YRDC: variants seen among roughly 807,000 people sequenced by gnomAD.
The protein encoded by YRDC is yrdC N6-threonylcarbamoyltransferase domain containing, also known as threonylcarbamoyl-AMP synthase.
In YRDC, 17 loss-of-function variants were observed where a neutral mutation model predicts 21.5. The observed-to-expected ratio is 0.79, with a 90% CI of 0.54 to 1.19. The LOEUF is 1.19. Ranked by LOEUF, YRDC falls within the 50% of genes most tolerant of loss-of-function variation. YRDC has a pLI of 0.00. For missense variants in YRDC, 380 were observed against 397.1 expected (o/e 0.96, Z 0.37); for synonymous variants, 193 against 176.7 (o/e 1.09, Z -0.73).
Position 37,803,662 on chromosome 1 carries a change from G to T in YRDC, c.*263C>A, listed in dbSNP as rs1646716383. 2.3e-6 allele frequency: 1 copy of T among 426,476 alleles called. No individual in the cohort carries two copies. Among genetic ancestry groups the T allele is most frequent in the Non-Finnish European group, 4.2e-6 (1 of 240,794 alleles). 26.4% of individuals were successfully genotyped at this position (426,476 alleles called of 1,614,324 possible). On this transcript the variant is annotated 3_prime_UTR_variant, in exon 5 of 5. Transcript: ENST00000373044. ...GACAGAAGAAACTTATTAGAATAAG[G>T]CCACCTAGGAATGTTCTTAACTTTT...
At chr1:37,804,950 G>C (rs1646725383) in intron 3 of YRDC, among the ~76,000 whole-genome samples, 1 of 152,204 alleles carries the variant, frequency 6.6e-6, no homozygotes, top group Non-Finnish European at 1.5e-5. Context: ...AAAGATAAGA[G>C]AACAGGGTCA....
intron 3 of YRDC, 43 bp from the exon 4 acceptor site, chr1:37,804,487 G>A (rs1646722349): frequency 6.3e-7 from 1 of 1,582,734 alleles, no homozygotes; most frequent in Non-Finnish European, 8.6e-7. Context: ...TATCCCTGGT[G>A]TATCCAATAA....
rs1466278278 is a variant in YRDC at position 37,803,948 on chromosome 1, G to A, written c.817C>T (p.Pro273Ser). ...AILQQKYGLL[P>S]SHASYL ...TTTCACAGGTAGGACGCATGTGAGGGGAGCAGTCCGTACTTCTGTTGGAGG... is the reference window on the plus strand; with the variant it reads ...TTTCACAGGTAGGACGCATGTGAGGAGAGCAGTCCGTACTTCTGTTGGAGG... The change falls in exon 5 of 5, where the codon CCC becomes TCC. Residue 273 changes from proline (P) to serine (S), a missense_variant. Physicochemically the swap from Pro to Ser is moderately conservative, Grantham distance 74 (BLOSUM62 -1). This residue lies in a region of YRDC where 238 missense variants were observed against 236.5 expected (regional missense o/e 1.01). Transcript: ENST00000373044. 6.2e-7 allele frequency: 1 copy of A among 1,614,148 alleles called. No homozygotes were observed. The highest frequency in any genetic ancestry group is 8.5e-7 in the Non-Finnish European group (1 of 1,180,020).
At position 37,807,930 on chromosome 1, in the gene YRDC, G is replaced by GC; in HGVS notation, c.250dup (p.Ala84GlyfsTer55). 1 of 1,254,638 alleles carries GC rather than the reference G, an allele frequency of 8.0e-7. No homozygotes were observed. Among genetic ancestry groups the GC allele is most frequent in the Non-Finnish European group, 1.0e-6 (1 of 998,680 alleles). 77.7% of individuals were successfully genotyped at this position (1,254,638 alleles called of 1,614,324 possible). On this transcript the variant is annotated frameshift_variant, in exon 1 of 5. Transcript: ENST00000373044. LOFTEE classifies it high-confidence loss of function. Reference sequence around the variant, plus strand: ...GCCGTACAGCGTATCGGTGGGGACGGCCACCACGGCGCCGGCGCGCAGCTC... The same window carrying GC: ...GCCGTACAGCGTATCGGTGGGGACGGCCCACCACGGCGCCGGCGCGCAGCTC...
intron 1 of YRDC, chr1:37,807,585 T>C: frequency 9.8e-7 from 1 of 1,021,132 alleles, no homozygotes; most frequent in Non-Finnish European, 1.3e-6. Context: ...ACAGGGTCCC[T>C]GCCTTTCTCG....
In YRDC at chr1:37,807,791, C is replaced by T; in HGVS notation, c.389+1G>A. On this transcript the variant is annotated splice_donor_variant, in intron 1 of 4. Coordinates refer to ENST00000373044, the MANE Select transcript of YRDC (RefSeq NM_024640.4). LOFTEE classifies it high-confidence loss of function. ...GCGGGGCCGGGTCGGGGCGGCCTTA[C>T]CTGTAGACGTCGGCCACGCGGCCGA... 6.6e-7 allele frequency: 1 copy of T among 1,509,446 alleles called. No individual in the cohort carries two copies. Among genetic ancestry groups the T allele is most frequent in the Non-Finnish European group, 8.8e-7 (1 of 1,133,384 alleles). The allele number at this position is 1,509,446 out of a possible 1,614,324, so 93.5% of individuals were successfully genotyped here. A position where few individuals can be genotyped will look rare whatever the true frequency, so the allele number is the denominator to read the frequency against.
chr1:37,807,025 A>G (rs773590410), intron 2 of YRDC, 49 bp from the exon 3 acceptor site: 86 of 1,613,998 alleles, frequency 5.3e-5, no homozygotes, highest in Admixed American at 2.3e-4. Context: ...AAGGGATAAG[A>G]GGGTAAGTCT....
At position 37,807,890 on chromosome 1, in the gene YRDC, C is replaced by T; in HGVS notation, c.291G>A (p.Ala97=). 1.4e-6 allele frequency: 2 copies of T among 1,451,540 alleles called. No individual in the cohort carries two copies. The highest frequency in any genetic ancestry group is 1.8e-6 in the Non-Finnish European group (2 of 1,099,404). 89.9% of individuals were successfully genotyped at this position (1,451,540 alleles called of 1,614,324 possible). A position where few individuals can be genotyped will look rare whatever the true frequency, so the allele number is the denominator to read the frequency against. The change falls in exon 1 of 5, where the codon GCG becomes GCA. Residue 97 remains alanine (A), a synonymous_variant. Coordinates refer to ENST00000373044, the MANE Select transcript of YRDC (RefSeq NM_024640.4). ...TDTLYGLACA[A]SCSAALRAVY... ...CAGCGCGCAGAGCCGCCGAGCAGCT[C>T]GCCGCGCAGGCCAGGCCGTACAGCG...
intron 1 of YRDC, chr1:37,807,427 T>C: frequency 1.6e-6 from 1 of 611,866 alleles, no homozygotes; most frequent in Non-Finnish European, 2.8e-6. Context: ...TCTCAGGGAC[T>C]ACAACAGCTG....
In YRDC at chr1:37,803,931, G is replaced by A. The variant is rs1302051156; in HGVS notation, c.834C>T (p.Tyr278=). The change falls in exon 5 of 5, where the codon TAC becomes TAT. Residue 278 remains tyrosine, a synonymous_variant. Transcript: ENST00000373044. ...KYGLLPSHAS[Y]L is the part of the protein sequence containing the mutation. ...CTTCCTGCTTCCCAGAGTTTCACAG[G>A]TAGGACGCATGTGAGGGGAGCAGTC... The A allele has an allele frequency of 6.2e-7, 1 of 1,614,112 alleles. No homozygotes were observed. Among genetic ancestry groups the A allele is most frequent in the Admixed American group, 1.7e-5 (1 of 60,030 alleles).
chr1:37,804,328 T>A lies in YRDC; in HGVS notation c.741A>T (p.Gly247=). Residue 247 remains glycine, a synonymous_variant, in exon 4 of 5, where the codon GGA becomes GGT. Coordinates refer to ENST00000373044, the MANE Select transcript of YRDC (RefSeq NM_024640.4). ...GSTVVDLSVP[G]KFGIIRPGCA... ...AGCCTGGACGAATGATGCCAAACTT[T>A]CCGGGCACAGACAAATCAACCACAG... is the stretch of plus-strand genomic sequence containing the variant. The A allele has an allele frequency of 1.2e-6, 2 of 1,614,054 alleles. No homozygotes were observed. Among genetic ancestry groups the A allele is most frequent in the Non-Finnish European group, 1.7e-6 (2 of 1,179,946 alleles).
chr1:37,804,224 C>T lies in YRDC; in HGVS notation c.767+78G>A, dbSNP rs576805842. ...TTCAGGGCAACATAGGAGGCACCAT[C>T]TTTATCTTGTCAAAGCTTTTTTGCA... On this transcript the variant is annotated intron_variant, in intron 4 of 4. Coordinates refer to ENST00000373044, the MANE Select transcript of YRDC (RefSeq NM_024640.4). 52 of 1,562,880 alleles carry T rather than the reference C, an allele frequency of 3.3e-5. No individual in the cohort carries two copies. The African/African-American group carries it at 6.4e-4, about 19-fold the overall frequency.
In YRDC at chr1:37,808,026, C is replaced by T. The variant is rs2148392414; in HGVS notation, c.155G>A (p.Gly52Glu). ...APGARLLRLP[G>E]SGAVQAASPE... ...GCTCGCGGCCTGCACGGCCCCGCTC[C>T]CCGGGAGCCGCAACAGCCGGGCGCC... Residue 52 changes from glycine (G) to glutamate (E), a missense_variant, in exon 1 of 5, where the codon GGG (glycine) becomes GAG (glutamate). Coordinates refer to ENST00000373044, the MANE Select transcript of YRDC (RefSeq NM_024640.4). 1 of 1,293,250 alleles carries T rather than the reference C, an allele frequency of 7.7e-7. No individual in the cohort carries two copies. The highest frequency in any genetic ancestry group is 9.8e-7 in the Non-Finnish European group (1 of 1,023,326). 80.1% of individuals were successfully genotyped at this position (1,293,250 alleles called of 1,614,324 possible).
rs773467951 is a variant in YRDC at position 37,804,332 on chromosome 1, G to A, written c.737C>T (p.Pro246Leu). The A allele has an allele frequency of 6.2e-7, 1 of 1,614,010 alleles. No homozygotes were observed. The highest frequency in any genetic ancestry group is 8.5e-7 in the Non-Finnish European group (1 of 1,179,942). ...LGSTVVDLSV[P>L]GKFGIIRPGC... ...TGGACGAATGATGCCAAACTTTCCGGGCACAGACAAATCAACCACAGTTGA... is the reference window on the plus strand; with the variant it reads ...TGGACGAATGATGCCAAACTTTCCGAGCACAGACAAATCAACCACAGTTGA... The change falls in exon 4 of 5, where the codon CCC (proline) becomes CTC (leucine). Residue 246 changes from proline (P) to leucine (L), a missense_variant. By Grantham distance (98) the Pro-to-Leu change is moderately conservative (BLOSUM62 -3). Coordinates refer to ENST00000373044, the MANE Select transcript of YRDC (RefSeq NM_024640.4).
In YRDC at chr1:37,807,856, G is replaced by A. The variant is rs1253168135; in HGVS notation, c.325C>T (p.Leu109Phe). Reference protein sequence around the residue: ...CSAALRAVYRLKGRSEAKPLA... With the variant: ...CSAALRAVYRFKGRSEAKPLA... ...GGCTTGGCCTCGCTGCGACCCTTGA[G>A]GCGGTACACAGCGCGCAGAGCCGCC... Residue 109 changes from leucine (L) to phenylalanine (F), a missense_variant, in exon 1 of 5, where the codon CTC becomes TTC. Leu to Phe is a conservative substitution (Grantham distance 22). Around this residue, in one of 3 missense-constraint regions of YRDC, gnomAD observed 238 missense variants for 236.5 expected, o/e 1.01. Transcript: ENST00000373044. The A allele has an allele frequency of 5.3e-6, 8 of 1,498,676 alleles. No homozygotes were observed. Among genetic ancestry groups the A allele is most frequent in the East Asian group, 2.7e-5 (1 of 36,872 alleles). The allele number at this position is 1,498,676 out of a possible 1,614,324, so 92.8% of individuals were successfully genotyped here.
At chr1:37,807,596 T>G in intron 1 of YRDC, 196 bp downstream of exon 1, 18 of 1,047,530 alleles carry the variant, frequency 1.7e-5, no homozygotes, top group Non-Finnish European at 2.2e-5. Context: ...GCCTTTCTCG[T>G]GTGTTGCTGC....
In YRDC at chr1:37,808,010, C is replaced by T. The variant is rs1646753554; in HGVS notation, c.171G>A (p.Gln57=). ...AGCCGGCGCGCTCCGGGCTCGCGGC[C>T]TGCACGGCCCCGCTCCCCGGGAGCC... ...LLRLPGSGAV[Q]AASPERAGWT... Residue 57 remains glutamine (Q), a synonymous_variant, in exon 1 of 5, where the codon CAG becomes CAA. Transcript: ENST00000373044. The T allele has an allele frequency of 3.3e-6, 4 of 1,221,376 alleles. No homozygotes were observed. Among genetic ancestry groups the T allele is most frequent in the Non-Finnish European group, 4.1e-6 (4 of 981,198 alleles). The allele number at this position is 1,221,376 out of a possible 1,614,324, so 75.7% of individuals were successfully genotyped here.
Position 37,806,944 on chromosome 1 carries a change from A to G in YRDC, c.537T>C (p.Phe179=), listed in dbSNP as rs750607830. ...LVGIRIPDHA[F]MQDLAQMFEG... ...CAAACATCTGAGCCAAGTCTTGCAT[A>G]AAAGCATGATCAGGAATCCGAATGC... Residue 179 remains phenylalanine, a synonymous_variant, in exon 3 of 5, where the codon TTT becomes TTC. Transcript: ENST00000373044. The G allele has an allele frequency of 1.2e-6, 2 of 1,614,250 alleles. No individual in the cohort carries two copies. Among genetic ancestry groups the G allele is most frequent in the East Asian group, 4.5e-5 (2 of 44,882 alleles).
intron 4 of YRDC, 148 bp downstream of exon 4, chr1:37,804,154 T>C (rs1161223699): frequency 2.8e-6 from 4 of 1,432,828 alleles, no homozygotes; most frequent in Non-Finnish European, 3.8e-6. Context: ...CCAGGAAACT[T>C]AGTCCCACTG....
Sources: gnomAD v4.1 joint callset for allele counts (sites outside exome capture counted in the v4.1 genomes callset) on GRCh38, gnomAD v4.1.1 for gene constraint, gnomAD v4.1.1 regional missense constraint, MANE v1.5 for transcripts, NCBI Gene and HGNC (gene_info 2026-07-23, HGNC 2026-07-21) for gene names.